Variants in GRAMD4 observed in about 807,000 individuals in gnomAD.
GRAMD4 encodes GRAM domain-containing protein 4.
GRAMD4 carries 25 observed loss-of-function variants against 83.9 expected under a neutral mutation model. The ratio of observed to expected loss-of-function variants is 0.30; its 90% CI spans 0.22 to 0.42. GRAMD4 has a LOEUF of 0.42. GRAMD4 is among the 10% of genes least tolerant of loss of function. The pLI is 1.00. For synonymous variants in GRAMD4, 336 were observed against 320.9 expected, an observed-to-expected ratio of 1.05 and a Z score of -0.50; for missense variants, 593 against 788.7, an observed-to-expected ratio of 0.75 and a Z score of 2.97.
downstream of GRAMD4, chr22:46,682,585 C>T (rs888378107): frequency 4.9e-6 from 1 of 205,908 alleles, no homozygotes; most frequent in Non-Finnish European, 8.5e-6. Flanking sequence ...CTGCCTCCTG[C>T]CAGGAGCTGC....
chr22:46,661,308 C>A, intron 4 of GRAMD4, 73 bp from the exon 5 acceptor site: 1 of 1,218,036 alleles, frequency 8.2e-7, no homozygotes, highest in Non-Finnish European at 1.2e-6. Flanking sequence ...CGCGAGAGCC[C>A]TCGGGGGTGC....
chr22:46,631,245 GCCACCTCCACCT>G (rs535882584), intron 2 of GRAMD4, among the ~76,000 whole-genome samples: 5 of 152,100 alleles, frequency 3.3e-5, no homozygotes, highest in Non-Finnish European at 7.4e-5. Context: ...TGCCACCATC[GCCACCTCCACCT>G]CCACCTCCAC....
At chr22:46,627,020 C>A in intron 2 of GRAMD4, 59 bp downstream of exon 2, 1 of 1,264,170 alleles carries the variant, frequency 7.9e-7, no homozygotes, top group Non-Finnish European at 1.1e-6. Context: ...TCCTCTGTGG[C>A]CGGGCCAAGC....
intron 18 of GRAMD4, 70 bp downstream of exon 18, chr22:46,676,738 G>A: frequency 7.4e-7 from 1 of 1,358,528 alleles, no homozygotes; most frequent in Non-Finnish European, 1.0e-6. Flanking sequence ...GCAACCCTGG[G>A]ACCAGCGTGG....
chr22:46,653,033 G>A (rs766524779), intron 3 of GRAMD4, among the ~76,000 whole-genome samples: 93 of 152,318 alleles, frequency 6.1e-4, no homozygotes, highest in Non-Finnish European at 1.0e-3. Context: ...GCAGGGAGCC[G>A]TGTGCTCAGA....
intron 1 of GRAMD4, among the ~76,000 whole-genome samples, chr22:46,599,064 C>A (rs776378060): frequency 6.6e-6 from 1 of 152,064 alleles, no homozygotes; most frequent in Non-Finnish European, 1.5e-5. Context: ...ACACAGAGGC[C>A]GTGACAGAGA....
chr22:46,600,849 G>C (rs777971011), intron 1 of GRAMD4, among the ~76,000 whole-genome samples: 1 of 152,156 alleles, frequency 6.6e-6, no homozygotes. Flanking sequence ...TCTTTAAAAA[G>C]AAATCACTAC....
intron 3 of GRAMD4, among the ~76,000 whole-genome samples, chr22:46,643,333 A>G (rs1473957723): frequency 4.7e-4 from 1 of 2,146 alleles, no homozygotes; most frequent in African/African-American, 5.6e-3. Context: ...CCATGCATCT[A>G]TCCATCCATC....
chr22:46,668,843 T>C lies in GRAMD4; in HGVS notation c.1019T>C (p.Val340Ala). ...CCGGAGATCACACAGAAGCTGTATG[T>C]GGCGCTCTGGGCTGCCTTCCTGGCC... Reference protein sequence around the residue: ...VQPEITQKLYVALWAAFLASC... With the variant: ...VQPEITQKLYAALWAAFLASC... Residue 340 changes from valine to alanine, a missense_variant, in exon 13 of 19, where the codon GTG becomes GCG. This residue lies in a region of GRAMD4 where 171 missense variants were observed against 199.6 expected (regional missense o/e 0.86). Coordinates refer to ENST00000406902, the MANE Select transcript of GRAMD4 (RefSeq NM_015124.5). The C allele has an allele frequency of 6.2e-7, 1 of 1,608,136 alleles. No homozygotes were observed. Among genetic ancestry groups the C allele is most frequent in the Non-Finnish European group, 8.5e-7 (1 of 1,176,848 alleles).
intron 8 of GRAMD4, among the ~76,000 whole-genome samples, chr22:46,665,279 G>A (rs1310534894): frequency 6.6e-6 from 1 of 152,238 alleles, no homozygotes; most frequent in African/African-American, 2.4e-5. Flanking sequence ...TGCCTGCCTC[G>A]CCCAGCCAGG....
upstream of GRAMD4, among the ~76,000 whole-genome samples, chr22:46,619,725 C>T (rs2081547679): frequency 6.6e-6 from 1 of 152,200 alleles, no homozygotes; most frequent in Non-Finnish European, 1.5e-5. Context: ...GTTGGCTGTC[C>T]AGCTGCTGGT....
Position 46,677,390 on chromosome 22 carries a change from G to A in GRAMD4, c.*139G>A. On this transcript the variant is annotated 3_prime_UTR_variant, in exon 19 of 19. Coordinates refer to ENST00000406902, the MANE Select transcript of GRAMD4 (RefSeq NM_015124.5). ...ATTCTCCTGGACCTGTGGTTCTATT[G>A]TGTTGACCTCTGCGTTTTATCGACC... 7.1e-7 allele frequency: 1 copy of A among 1,405,696 alleles called. No individual in the cohort carries two copies. 87.1% of individuals were successfully genotyped at this position (1,405,696 alleles called of 1,614,324 possible). A position where few individuals can be genotyped will look rare whatever the true frequency, so the allele number is the denominator to read the frequency against.
intron 3 of GRAMD4, among the ~76,000 whole-genome samples, chr22:46,641,599 T>C (rs920260243): frequency 1.3e-5 from 2 of 152,204 alleles, no homozygotes; most frequent in African/African-American, 2.4e-5. Flanking sequence ...GGACAGTCTC[T>C]GCTCTGGACT....
intron 6 of GRAMD4, 47 bp from the exon 7 acceptor site, chr22:46,663,791 G>A (rs747110268): frequency 3.7e-6 from 6 of 1,601,332 alleles, no homozygotes; most frequent in Non-Finnish European, 5.1e-6. Flanking sequence ...CTGCAGAGCC[G>A]GCGGGTGCAT....
intron 1 of GRAMD4, among the ~76,000 whole-genome samples, chr22:46,586,999 G>A (rs1602294306): frequency 1.3e-5 from 2 of 152,156 alleles, no homozygotes; most frequent in Non-Finnish European, 2.9e-5. Flanking sequence ...GGGAAGAACC[G>A]GACCGTAACT....
intron 1 of GRAMD4, among the ~76,000 whole-genome samples, chr22:46,590,999 G>T (rs56301329): frequency 0.24 from 35,970 of 151,834 alleles, 5,652 homozygotes; most frequent in East Asian, 0.62. Flanking sequence ...GGCGGAGATT[G>T]CAGTAAGCCA....
intron 1 of GRAMD4, among the ~76,000 whole-genome samples, chr22:46,609,506 G>A (rs1386380395): frequency 6.6e-6 from 1 of 152,216 alleles, no homozygotes; most frequent in Non-Finnish European, 1.5e-5. Flanking sequence ...TTCACGGGAG[G>A]AGCTATTTGA....
At chr22:46,613,854 C>CG (rs1555957640) in intron 1 of GRAMD4, among the ~76,000 whole-genome samples, 2 of 151,842 alleles carry the variant, frequency 1.3e-5, no homozygotes, top group African/African-American at 4.8e-5. Flanking sequence ...CTCAGGAACT[C>CG]TTTTGCATTT....
Position 46,659,169 on chromosome 22 carries a change from G to A in GRAMD4, c.404+862G>A, listed in dbSNP as rs997277099. 1.3e-5 allele frequency among the ~76,000 whole-genome samples: 2 copies of A among 151,832 alleles called. No individual in the cohort carries two copies. Among genetic ancestry groups the A allele is most frequent in the Non-Finnish European group, 2.9e-5 (2 of 67,930 alleles). ...TCAGCCTCCACTCCAGCAACCTCCT[G>A]CTTCGGCCTCCCTCTCAGCCTCCAC... On this transcript the variant is annotated intron_variant, in intron 4 of 18. Transcript: ENST00000406902. This position sits in a 1 kb window ranked among gnomAD's most constrained non-coding sequence, Gnocchi z 4.1.
Sources: allele counts gnomAD v4.1 joint callset (sites outside exome capture counted in the v4.1 genomes callset), GRCh38; gene constraint gnomAD v4.1.1; regional missense constraint gnomAD v4.1.1; non-coding constraint Gnocchi (gnomAD v3.1); transcripts MANE v1.5; gene names NCBI Gene and HGNC (gene_info 2026-07-23, HGNC 2026-07-21).